The following DIP2C variants were observed in gnomAD, a reference collection of about 807,000 sequenced individuals.
DIP2C encodes the protein disco-interacting protein 2 homolog C.
DIP2C carries 33 observed loss-of-function variants against 192.4 expected under a neutral mutation model. The observed-to-expected ratio is 0.17, with a 90% CI of 0.13 to 0.23. DIP2C has a LOEUF of 0.23. Ranked by LOEUF, DIP2C falls within the 10% of genes least tolerant of loss-of-function variation. DIP2C has a pLI of 1.00. For missense variants in DIP2C, 1,537 were observed against 2,110.1 expected (o/e 0.73, Z 5.32); for synonymous variants, 979 against 864.1 (o/e 1.13, Z -2.33).
chr10:467,123 A>G (rs370668579), intron 3 of DIP2C, among the ~76,000 whole-genome samples: 2 of 152,106 alleles, frequency 1.3e-5, no homozygotes, highest in Non-Finnish European at 2.9e-5. Context: ...GCAAAGACTT[A>G]GAACCAACCC....
intron 31 of DIP2C, among the ~76,000 whole-genome samples, chr10:324,447 G>A (rs924115479): frequency 2.0e-5 from 3 of 152,164 alleles, no homozygotes; most frequent in African/African-American, 4.8e-5. Context: ...AGGTGAGCTC[G>A]CATTGCTTTG....
chr10:339,096 G>A (rs958266144), intron 29 of DIP2C, among the ~76,000 whole-genome samples: 1 of 151,816 alleles, frequency 6.6e-6, no homozygotes, highest in African/African-American at 2.4e-5. Context: ...GCCTGAGGTC[G>A]AGGCGTCCTC....
intron 1 of DIP2C, among the ~76,000 whole-genome samples, chr10:529,168 T>C (rs1187869704): frequency 1.1e-4 from 16 of 152,186 alleles, no homozygotes; most frequent in Admixed American, 1.0e-3. Context: ...CCCCATCTCA[T>C]AGATGGGAAC....
At chr10:568,479 C>T (rs558270084) in intron 1 of DIP2C, among the ~76,000 whole-genome samples, 1 of 152,174 alleles carries the variant, frequency 6.6e-6, no homozygotes, top group East Asian at 1.9e-4. Flanking sequence ...GAAAAAACTT[C>T]ACTTGAGGCC....
At chr10:428,414 C>T (rs1005684454) in intron 4 of DIP2C, among the ~76,000 whole-genome samples, 2 of 152,142 alleles carry the variant, frequency 1.3e-5, no homozygotes, top group African/African-American at 2.4e-5. Context: ...AGGAGATTTT[C>T]ACCGGATATG....
At chr10:326,649 C>T (rs561961541) in intron 31 of DIP2C, among the ~76,000 whole-genome samples, 6 of 152,332 alleles carry the variant, frequency 3.9e-5, no homozygotes, top group South Asian at 2.1e-4. Flanking sequence ...CTTCCTACAG[C>T]GATCGTCTAC....
Position 414,513 on chromosome 10 carries a change from A to G in DIP2C, c.860-403T>C, listed in dbSNP as rs868861392. 2.0e-5 allele frequency among the ~76,000 whole-genome samples: 3 copies of G among 152,138 alleles called. No homozygotes were observed. The South Asian group carries it at 6.2e-4, about 32-fold the overall frequency. The stretch of plus-strand genomic sequence containing the variant: ...TATATTTTGTCCTGAAAGATTAATG[A>G]TAAATATATTTTCTGAGGCAGGGTC... On this transcript the variant is annotated intron_variant, in intron 7 of 36. Coordinates refer to ENST00000280886, the MANE Select transcript of DIP2C (RefSeq NM_014974.3).
At chr10:332,700 T>C (rs1957557664) in intron 29 of DIP2C, among the ~76,000 whole-genome samples, 2 of 152,226 alleles carry the variant, frequency 1.3e-5, no homozygotes. Context: ...TGGTAAGTAA[T>C]ACACATTCGC....
intron 1 of DIP2C, among the ~76,000 whole-genome samples, chr10:596,570 G>A (rs1486634808): frequency 6.7e-6 from 1 of 149,336 alleles, no homozygotes; most frequent in Non-Finnish European, 1.5e-5. Flanking sequence ...CTGCCACCGA[G>A]GTATCCTATA....
intron 1 of DIP2C, among the ~76,000 whole-genome samples, chr10:508,207 A>T (rs1405321173): frequency 1.3e-5 from 2 of 152,024 alleles, no homozygotes; most frequent in Non-Finnish European, 2.9e-5. Context: ...CCAGGCTGAA[A>T]ATCTCTTCTG....
At chr10:638,902 GCCATTT>G (rs2131923673) in intron 1 of DIP2C, among the ~76,000 whole-genome samples, 1 of 152,332 alleles carries the variant, frequency 6.6e-6, no homozygotes, top group South Asian at 2.1e-4. Flanking sequence ...TTTGCAAAAA[GCCATTT>G]CTACAAACCC....
intron 24 of DIP2C, chr10:356,193 G>A: frequency 3.3e-6 from 2 of 602,914 alleles, no homozygotes; most frequent in Non-Finnish European, 5.9e-6. Context: ...GAGAAATATT[G>A]TAAATAGGTT....
intron 1 of DIP2C, among the ~76,000 whole-genome samples, chr10:508,988 T>C (rs1284645651): frequency 6.6e-6 from 1 of 152,132 alleles, no homozygotes; most frequent in Non-Finnish European, 1.5e-5. Flanking sequence ...ACAGAGTAAA[T>C]GAGCCTTTTA....
intron 1 of DIP2C, among the ~76,000 whole-genome samples, chr10:688,977 T>C (rs1214517437): frequency 2.0e-5 from 3 of 152,126 alleles, no homozygotes; most frequent in Admixed American, 2.0e-4. Flanking sequence ...AAGTTTCGCA[T>C]TGAAATCTGG....
intron 3 of DIP2C, among the ~76,000 whole-genome samples, chr10:472,046 TAAC>T (rs1322797791): frequency 6.6e-6 from 1 of 152,070 alleles, no homozygotes; most frequent in African/African-American, 2.4e-5. Flanking sequence ...AGGAAACACA[TAAC>T]AATGTATGGT....
intron 1 of DIP2C, among the ~76,000 whole-genome samples, chr10:556,063 G>A (rs1057351511): frequency 8.0e-5 from 12 of 150,668 alleles, no homozygotes; most frequent in Admixed American, 1.3e-4. Context: ...TCCCACAATC[G>A]GATCCCAGGA....
chr10:545,959 A>G (rs868197219), intron 1 of DIP2C, among the ~76,000 whole-genome samples: 1 of 152,298 alleles, frequency 6.6e-6, no homozygotes. Flanking sequence ...GGAACCCTTT[A>G]CAGTTTATTA....
At position 666,494 on chromosome 10, in the gene DIP2C, G is replaced by A. The variant is rs1857099498; in HGVS notation, c.85+23000C>T. 6.6e-6 allele frequency: 1 copy of A among 152,360 alleles called. No individual in the cohort carries two copies. The highest frequency in any genetic ancestry group is 2.4e-5 in the African/African-American group (1 of 41,468). 9.4% of individuals were successfully genotyped at this position (152,360 alleles called of 1,614,324 possible). ...CCAAGACTGAGATCCTGTGGCCTGA[G>A]TCGGGGCCGGGGAAACCAAGCCTGC... On this transcript the variant is annotated intron_variant, in intron 1 of 36. Coordinates refer to ENST00000280886, the MANE Select transcript of DIP2C (RefSeq NM_014974.3). This position sits in a 1 kb window ranked among gnomAD's most constrained non-coding sequence, Gnocchi z 4.1.
intron 10 of DIP2C, among the ~76,000 whole-genome samples, chr10:397,780 C>G (rs963918598): frequency 1.3e-5 from 2 of 152,204 alleles, no homozygotes; most frequent in African/African-American, 4.8e-5. Context: ...TTGGTATGAG[C>G]GTAAGCCAAA....
Sources: gnomAD v4.1 joint callset for allele counts (sites outside exome capture counted in the v4.1 genomes callset) on GRCh38, gnomAD v4.1.1 for gene constraint, Gnocchi (gnomAD v3.1) non-coding constraint, MANE v1.5 for transcripts, NCBI Gene and HGNC (gene_info 2026-07-23, HGNC 2026-07-21) for gene names.